Variants in ARHGEF3 observed in about 807,000 individuals in gnomAD.
ARHGEF3 encodes the protein Rho guanine nucleotide exchange factor 3, also known as 59.8 kDA protein.
A neutral mutation model predicts 63.2 loss-of-function variants in ARHGEF3; 28 were observed. The ratio of observed to expected loss-of-function variants is 0.44; its 90% CI spans 0.33 to 0.61. The LOEUF is 0.61. Among genes scored for constraint, ARHGEF3 ranks in the 20% least tolerant of loss-of-function variants. The pLI is 0.03. For synonymous variants in ARHGEF3, 266 were observed against 254.2 expected, an observed-to-expected ratio of 1.05 and a Z score of -0.44; for missense variants, 533 against 659.3, an observed-to-expected ratio of 0.81 and a Z score of 2.10.
In ARHGEF3 at chr3:56,732,285, A is replaced by G; in HGVS notation, c.1181T>C (p.Val394Ala). 1 of 1,614,034 alleles carries G rather than the reference A, an allele frequency of 6.2e-7. No individual in the cohort carries two copies. Among genetic ancestry groups the G allele is most frequent in the Non-Finnish European group, 8.5e-7 (1 of 1,180,008 alleles). The stretch of plus-strand genomic sequence containing the variant: ...CCCTCGCAGGGAGCCACCCAGCCTC[A>G]CTTCTCCATCCTGGAGGTCTTCCAG... Reference protein sequence around the residue: ...LLLEDLQDGEVRLGGSLRGAF... With the variant: ...LLLEDLQDGEARLGGSLRGAF... Residue 394 changes from valine (V) to alanine (A), a missense_variant, in exon 9 of 10, where the codon GTG becomes GCG. Coordinates refer to ENST00000296315, the MANE Select transcript of ARHGEF3 (RefSeq NM_019555.3).
At chr3:56,818,989 C>T (rs1233123464) in intron 4 of ARHGEF3, among the ~76,000 whole-genome samples, 1 of 152,214 alleles carries the variant, frequency 6.6e-6, no homozygotes, top group Non-Finnish European at 1.5e-5. Context: ...GCTACATCCT[C>T]TGTCTGAGCT....
chr3:56,747,652 G>T (rs185201850), intron 6 of ARHGEF3, among the ~76,000 whole-genome samples: 1 of 152,112 alleles, frequency 6.6e-6, no homozygotes, highest in South Asian at 2.1e-4. Context: ...GCAAAATCCC[G>T]TCTTTACTAA....
At chr3:57,012,143 G>A (rs1254843263) in intron 2 of ARHGEF3, among the ~76,000 whole-genome samples, 1 of 152,208 alleles carries the variant, frequency 6.6e-6, no homozygotes, top group Non-Finnish European at 1.5e-5. Context: ...CAAAACCCAA[G>A]AGCCACTACC....
Position 56,729,352 on chromosome 3 carries a change from C to G in ARHGEF3, c.1499G>C (p.Ser500Thr). Residue 500 changes from serine (S) to threonine (T), a missense_variant, in exon 10 of 10, where the codon AGT becomes ACT. Around this residue, in one of 4 missense-constraint regions of ARHGEF3, gnomAD observed 115 missense variants for 103.4 expected, o/e 1.11. Transcript: ENST00000296315. ...GCGCTCACAGTCGAGGCTGACCTCA[C>G]TCGTGTCCATACTACAGTCTGACTC... The part of the protein sequence containing the change: ...DSESDCSMDT[S>T]EVSLDCERME... The G allele has an allele frequency of 6.2e-7, 1 of 1,614,152 alleles. No individual in the cohort carries two copies. Among genetic ancestry groups the G allele is most frequent in the Non-Finnish European group, 8.5e-7 (1 of 1,180,030 alleles).
chr3:57,012,921 C>T lies in ARHGEF3; in HGVS notation c.62+22167G>A, dbSNP rs542410380. On this transcript the variant is annotated intron_variant, in intron 2 of 12. Coordinates refer to the ARHGEF3 transcript ENST00000338458. The stretch of plus-strand genomic sequence containing the variant: ...CAGGAACCGGGGCTGCGCACGGGCT[C>T]GCAGGCCAGCGTGAATTCCGGGTGG... 1.5e-3 allele frequency among the ~76,000 whole-genome samples: 222 copies of T among 152,334 alleles called. 1 individual carries two copies. The highest frequency in any genetic ancestry group is 4.8e-3 in the African/African-American group (199 of 41,588).
At chr3:56,824,443 C>T (rs2038638576) in intron 4 of ARHGEF3, among the ~76,000 whole-genome samples, 1 of 152,042 alleles carries the variant, frequency 6.6e-6, no homozygotes, top group Non-Finnish European at 1.5e-5. Flanking sequence ...TCCTTTAATC[C>T]CCAGGACAAC....
intron 3 of ARHGEF3, among the ~76,000 whole-genome samples, chr3:56,949,081 C>T (rs1347097926): frequency 1.3e-5 from 2 of 151,964 alleles, no homozygotes; most frequent in East Asian, 1.9e-4. Context: ...TTCAACAGCC[C>T]TTCATGCTAA....
chr3:57,064,608 C>G (rs1231484311), intron 1 of ARHGEF3, among the ~76,000 whole-genome samples: 2 of 152,152 alleles, frequency 1.3e-5, no homozygotes, highest in African/African-American at 4.8e-5. Context: ...ATACCCAGCC[C>G]AAAGGAAGGA....
At chr3:56,874,244 A>G (rs1034731059) in intron 4 of ARHGEF3, among the ~76,000 whole-genome samples, 1 of 152,168 alleles carries the variant, frequency 6.6e-6, no homozygotes, top group Non-Finnish European at 1.5e-5. Flanking sequence ...CCCAAAACAA[A>G]CAAACAAAAA....
At chr3:56,945,867 G>A (rs1002498311) in intron 3 of ARHGEF3, among the ~76,000 whole-genome samples, 1 of 152,198 alleles carries the variant, frequency 6.6e-6, no homozygotes, top group East Asian at 1.9e-4. Flanking sequence ...ACCTAACTGG[G>A]AGGCACCCCC....
chr3:56,808,666 T>C (rs2107995964), intron 4 of ARHGEF3, among the ~76,000 whole-genome samples: 1 of 152,234 alleles, frequency 6.6e-6, no homozygotes, highest in South Asian at 2.1e-4. Context: ...TTCAAAAAAA[T>C]AATAATATTG....
chr3:56,752,039 G>A (rs1431258051), intron 4 of ARHGEF3, among the ~76,000 whole-genome samples: 2 of 151,920 alleles, frequency 1.3e-5, no homozygotes, highest in African/African-American at 4.8e-5. Flanking sequence ...TTTAGTTTCT[G>A]ATCTCATGGA....
chr3:56,986,262 C>T (rs2106926860), intron 2 of ARHGEF3, among the ~76,000 whole-genome samples: 1 of 152,356 alleles, frequency 6.6e-6, no homozygotes, highest in South Asian at 2.1e-4. Context: ...CCTGCAAAGG[C>T]TTCCCAGTGC....
chr3:57,042,200 A>G (rs1704214558), intron 1 of ARHGEF3, among the ~76,000 whole-genome samples: 1 of 152,140 alleles, frequency 6.6e-6, no homozygotes, highest in South Asian at 2.1e-4. Flanking sequence ...CTATGAGGAG[A>G]CATACCCTAT....
intron 1 of ARHGEF3, among the ~76,000 whole-genome samples, chr3:57,071,515 C>A (rs1705902162): frequency 6.6e-6 from 1 of 152,012 alleles, no homozygotes; most frequent in African/African-American, 2.4e-5. Flanking sequence ...CAAAAATCAG[C>A]TGGGTGTGAT....
intron 2 of ARHGEF3, among the ~76,000 whole-genome samples, chr3:57,002,192 T>C (rs913153799): frequency 2.0e-4 from 30 of 151,482 alleles, no homozygotes; most frequent in African/African-American, 6.3e-4. Flanking sequence ...ATTACAGGCG[T>C]GAGCCACCGG....
At chr3:56,930,863 G>C (rs2042393183) in intron 3 of ARHGEF3, among the ~76,000 whole-genome samples, 1 of 152,240 alleles carries the variant, frequency 6.6e-6, no homozygotes, top group South Asian at 2.1e-4. Flanking sequence ...AATGAAACCA[G>C]ATGGGTAAGT....
At chr3:57,048,730 A>C (rs1704561072) in intron 1 of ARHGEF3, among the ~76,000 whole-genome samples, 1 of 152,088 alleles carries the variant, frequency 6.6e-6, no homozygotes, top group Non-Finnish European at 1.5e-5. Context: ...TCATAAACCT[A>C]CTTGACCTTG....
At chr3:56,852,103 G>A (rs549861131) in intron 4 of ARHGEF3, among the ~76,000 whole-genome samples, 3 of 152,232 alleles carry the variant, frequency 2.0e-5, no homozygotes, top group African/African-American at 7.2e-5. Context: ...CCTCATACAT[G>A]ACTCACTGTG....
Sources: gnomAD v4.1 joint callset for allele counts (sites outside exome capture counted in the v4.1 genomes callset) on GRCh38, gnomAD v4.1.1 for gene constraint, gnomAD v4.1.1 regional missense constraint, MANE v1.5 for transcripts, NCBI Gene and HGNC (gene_info 2026-07-23, HGNC 2026-07-21) for gene names.